The following MMP26 variants were observed in gnomAD, a reference collection of about 807,000 sequenced individuals.
MMP26 encodes the protein matrix metalloproteinase-26.
A neutral mutation model predicts 31.0 loss-of-function variants in MMP26; 33 were observed. The ratio of observed to expected loss-of-function variants is 1.06; its 90% CI spans 0.81 to 1.42. The LOEUF is 1.42. MMP26 is among the 40% of genes most tolerant of loss of function. MMP26 has a pLI of 0.00. For synonymous variants in MMP26, 122 were observed against 114.9 expected (o/e 1.06, Z -0.40); for missense variants, 347 against 316.1 (o/e 1.10, Z -0.74).
At chr11:4,706,589 A>ACG (rs1847781800) in intron 1 of MMP26, among the ~76,000 whole-genome samples, 1 of 149,860 alleles carries the variant, frequency 6.7e-6, no homozygotes, top group African/African-American at 2.5e-5. Context: ...AAAAAAAAAA[A>ACG]AAAAAAAAAA....
chr11:4,964,421 T>G (rs560164213), intron 2 of MMP26, among the ~76,000 whole-genome samples: 10 of 152,282 alleles, frequency 6.6e-5, no homozygotes, highest in Non-Finnish European at 1.5e-4. Flanking sequence ...CAGATGGTTG[T>G]AGGTATATGG....
chr11:4,942,089 C>CAAAAAACAAAAAAAAAAAAAA (rs1846216631), intron 2 of MMP26, among the ~76,000 whole-genome samples: 1 of 37,122 alleles, frequency 2.7e-5, no homozygotes, highest in Non-Finnish European at 5.2e-5. Flanking sequence ...GAGTCCATCT[C>CAAAAAACAAAAAAAAAAAAAA]AAAAAAAAAA....
At chr11:4,849,097 G>A (rs1366255669) in intron 2 of MMP26, 1 of 1,614,082 alleles carries the variant, frequency 6.2e-7, no homozygotes, top group Non-Finnish European at 8.5e-7. Context: ...GCAATGAGGG[G>A]CAATGTCCAC....
At chr11:4,869,586 G>A (rs1046670219) in intron 2 of MMP26, among the ~76,000 whole-genome samples, 4 of 152,174 alleles carry the variant, frequency 2.6e-5, no homozygotes, top group Non-Finnish European at 5.9e-5. Flanking sequence ...TGGAGAGGAT[G>A]TGGAGAAATA....
intron 2 of MMP26, among the ~76,000 whole-genome samples, chr11:4,936,653 G>T (rs552042823): frequency 2.5e-4 from 38 of 152,168 alleles, no homozygotes; most frequent in African/African-American, 9.2e-4. Context: ...TCTAAGAGCT[G>T]GGCGTAAAAT....
chr11:4,969,291 G>A (rs886656580), intron 2 of MMP26, among the ~76,000 whole-genome samples: 2 of 151,886 alleles, frequency 1.3e-5, no homozygotes, highest in Non-Finnish European at 2.9e-5. Flanking sequence ...ATAACAATAA[G>A]ATGCCAAAAG....
At position 4,946,398 on chromosome 11, in the gene MMP26, G is replaced by C. The variant is rs78337070; in HGVS notation, c.-144-41670G>C. On this transcript the variant is annotated intron_variant, in intron 2 of 7. Coordinates refer to ENST00000380390, the MANE Select transcript of MMP26 (RefSeq NM_021801.5). ...ACACAAGTATTGAGAGCCTTAAGCTGCTCCTTTTTGGATGCAATTCCCAGT... is the reference window on the plus strand; with the variant it reads ...ACACAAGTATTGAGAGCCTTAAGCTCCTCCTTTTTGGATGCAATTCCCAGT... 8,457 of 1,465,994 alleles carry C rather than the reference G, an allele frequency of 5.8e-3. 3 individuals are homozygous for C. Among genetic ancestry groups the C allele is most frequent in the African/African-American group, 0.039 (2,466 of 63,030 alleles). 90.8% of individuals were successfully genotyped at this position (1,465,994 alleles called of 1,614,324 possible).
At chr11:4,827,106 G>T (rs962510318) in intron 2 of MMP26, among the ~76,000 whole-genome samples, 2 of 152,094 alleles carry the variant, frequency 1.3e-5, no homozygotes, top group Admixed American at 1.3e-4. Context: ...TTCTTCCTGC[G>T]AAAAGCCAGC....
At chr11:4,851,682 G>A (rs1849977686) in intron 2 of MMP26, among the ~76,000 whole-genome samples, 1 of 151,690 alleles carries the variant, frequency 6.6e-6, no homozygotes, top group African/African-American at 2.4e-5. Context: ...CACAACAAGG[G>A]GGAGGAATTA....
rs1176466405 is a variant in MMP26 at position 4,781,616 on chromosome 11, A to G, written c.-145+14275A>G. Among the ~76,000 whole-genome samples the G allele has an allele frequency of 2.7e-5, 4 of 145,962 alleles. 1 individual carries two copies. Among genetic ancestry groups the G allele is most frequent in the African/African-American group, 7.5e-5 (3 of 39,840 alleles). On this transcript the variant is annotated intron_variant, in intron 2 of 7. Coordinates refer to ENST00000380390, the MANE Select transcript of MMP26 (RefSeq NM_021801.5). ...AAAAAAAAAAAAAAAAACTGATTGCATAATCAAGTATTAAACTATAATTTT... is the reference window on the plus strand; with the variant it reads ...AAAAAAAAAAAAAAAAACTGATTGCGTAATCAAGTATTAAACTATAATTTT...
At position 4,946,279 on chromosome 11, in the gene MMP26, A is replaced by G. The variant is rs1417596506; in HGVS notation, c.-144-41789A>G. 2.5e-6 allele frequency: 4 copies of G among 1,614,022 alleles called. No homozygotes were observed. In the Admixed American group the frequency reaches 5.0e-5, roughly 20 times the overall value. Reference sequence around the variant, plus strand: ...GTAGGAGAACATTTGCCATGAGAACATTAATGAGGGGAGAGACATGCCGGG... The same window carrying G: ...GTAGGAGAACATTTGCCATGAGAACGTTAATGAGGGGAGAGACATGCCGGG... On this transcript the variant is annotated intron_variant, in intron 2 of 7. Transcript: ENST00000380390.
chr11:4,883,874 A>G (rs527605937), intron 2 of MMP26, among the ~76,000 whole-genome samples: 1 of 152,160 alleles, frequency 6.6e-6, no homozygotes, highest in South Asian at 2.1e-4. Flanking sequence ...CAGTTTTGAT[A>G]ATTTCATCCT....
intron 2 of MMP26, among the ~76,000 whole-genome samples, chr11:4,939,890 G>T (rs905138661): frequency 1.3e-5 from 2 of 152,068 alleles, no homozygotes; most frequent in African/African-American, 2.4e-5. Context: ...TTCTTAAGCC[G>T]TATACCTTGC....
chr11:4,914,844 G>C, intron 2 of MMP26: 1 of 1,614,004 alleles, frequency 6.2e-7, no homozygotes, highest in South Asian at 1.1e-5. Context: ...ACCAGGTGGG[G>C]TGCCTGCTTT....
chr11:4,897,944 AAAT>A (rs1357215369), intron 2 of MMP26, among the ~76,000 whole-genome samples: 3 of 148,088 alleles, frequency 2.0e-5, no homozygotes, highest in African/African-American at 7.3e-5. Flanking sequence ...ATTAAATAAT[AAAT>A]ATTATATATT....
At chr11:4,907,751 AATCCCTTAAG>A (rs1334346591) in intron 2 of MMP26, 2 of 1,614,024 alleles carry the variant, frequency 1.2e-6, no homozygotes, top group Non-Finnish European at 1.7e-6. Context: ...TGCCATTCAC[AATCCCTTAAG>A]ATACAGTTCT....
At chr11:4,765,303 A>C (rs1357128696) in intron 1 of MMP26, among the ~76,000 whole-genome samples, 1 of 152,162 alleles carries the variant, frequency 6.6e-6, no homozygotes, top group Non-Finnish European at 1.5e-5. Flanking sequence ...ATCCAATGAC[A>C]TTGACTAAAT....
At chr11:4,908,384 A>T (rs753173559) in intron 2 of MMP26, 1 of 1,227,146 alleles carries the variant, frequency 8.1e-7, no homozygotes, top group South Asian at 1.2e-5. Flanking sequence ...AATGCCATAG[A>T]AGTCACTAAT....
intron 1 of MMP26, among the ~76,000 whole-genome samples, chr11:4,760,625 T>A (rs1249267805): frequency 6.6e-6 from 1 of 152,158 alleles, no homozygotes; most frequent in African/African-American, 2.4e-5. Context: ...ATATTCCCAT[T>A]TTTCAGGTGA....
Sources: gnomAD v4.1 joint callset for allele counts (sites outside exome capture counted in the v4.1 genomes callset) on GRCh38, gnomAD v4.1.1 for gene constraint, MANE v1.5 for transcripts, NCBI Gene and HGNC (gene_info 2026-07-23, HGNC 2026-07-21) for gene names.